The following RP1L1 variants were observed in gnomAD, a reference collection of about 807,000 sequenced individuals.
RP1L1 encodes the protein retinitis pigmentosa 1-like 1 protein.
In RP1L1, 27 loss-of-function variants were observed where a neutral mutation model predicts 15.7. The ratio of observed to expected loss-of-function variants is 1.72; its 90% CI spans 1.27 to 2.38. The LOEUF (loss-of-function observed/expected upper bound fraction) is 2.38. Ranked by LOEUF, RP1L1 falls within the 30% of genes most tolerant of loss-of-function variation. The probability of loss-of-function intolerance (pLI) is 0.00; values close to 1 mark genes in which losing one functional copy is unlikely to be tolerated. For synonymous variants in RP1L1, 1,813 were observed against 1,276.7 expected, an observed-to-expected ratio of 1.42 and a Z score of -8.96; for missense variants, 4,798 against 3,075.9, an observed-to-expected ratio of 1.56 and a Z score of -13.24.
At chr8:10,628,748 G>C (rs1320315810) in intron 1 of RP1L1, among the ~76,000 whole-genome samples, 3 of 152,204 alleles carry the variant, frequency 2.0e-5, no homozygotes, top group Non-Finnish European at 2.9e-5. Flanking sequence ...ACACATCCAT[G>C]ACAACTCATG....
chr8:10,609,167 C>T lies in RP1L1; in HGVS notation c.4931G>A (p.Gly1644Glu). Residue 1644 changes from glycine to glutamate, a missense_variant, in exon 4 of 4, where the codon GGG becomes GAG. By Grantham distance (98) the Gly-to-Glu change is moderately conservative. Transcript: ENST00000382483. ...CTCCGCCTCCTCGCCCAGCTGGCTC[C>T]CCAGGGCTGTGCTGAGGGCTGGCTC... ...EDEPALSTAL[G>E]SQLGEEAEGE... 3 of 1,612,698 alleles carry T rather than the reference C, an allele frequency of 1.9e-6. No homozygotes were observed. The highest frequency in any genetic ancestry group is 1.7e-6 in the Non-Finnish European group (2 of 1,179,548).
intron 1 of RP1L1, among the ~76,000 whole-genome samples, chr8:10,626,564 C>T (rs1798160723): frequency 6.6e-6 from 1 of 152,194 alleles, no homozygotes; most frequent in African/African-American, 2.4e-5. Context: ...GCACCACCTT[C>T]CAGTGGCTCG....
Position 10,606,706 on chromosome 8 carries a change from G to A in RP1L1, c.*189C>T. On this transcript the variant is annotated 3_prime_UTR_variant, in exon 4 of 4. Coordinates refer to ENST00000382483, the MANE Select transcript of RP1L1 (RefSeq NM_178857.6). ...CACTGCGTGTGGGACGGGCCGCAGA[G>A]CTCTCTGACACTTCTGGACTTAAGA... 1 of 956,806 alleles carries A rather than the reference G, an allele frequency of 1.0e-6. No homozygotes were observed. Among genetic ancestry groups the A allele is most frequent in the Non-Finnish European group, 1.5e-6 (1 of 660,312 alleles). The allele number at this position is 956,806 out of a possible 1,614,324, so 59.3% of individuals were successfully genotyped here.
At chr8:10,623,309 G>T in intron 1 of RP1L1, 89 bp from the exon 2 acceptor site, 2 of 982,498 alleles carry the variant, frequency 2.0e-6, no homozygotes, top group Non-Finnish European at 2.9e-6. Flanking sequence ...GGTGCTTCCT[G>T]CCCACCCCAA....
chr8:10,619,274 G>C (rs182108586), intron 2 of RP1L1, among the ~76,000 whole-genome samples: 12 of 152,334 alleles, frequency 7.9e-5, no homozygotes, highest in African/African-American at 2.9e-4. Context: ...ACTTGAACAG[G>C]GCATGGAACG....
At chr8:10,646,493 C>T (rs1338184869) in intron 1 of RP1L1, among the ~76,000 whole-genome samples, 1 of 152,128 alleles carries the variant, frequency 6.6e-6, no homozygotes, top group Non-Finnish European at 1.5e-5. Flanking sequence ...AGGATGGAGC[C>T]AGAGAAAAGG....
intron 1 of RP1L1, among the ~76,000 whole-genome samples, chr8:10,633,450 T>C (rs1200742763): frequency 6.6e-6 from 1 of 152,070 alleles, no homozygotes; most frequent in Non-Finnish European, 1.5e-5. Context: ...CCAAATTGCA[T>C]CAGCTTCCAG....
chr8:10,619,833 G>A (rs922946578), intron 2 of RP1L1, among the ~76,000 whole-genome samples: 15 of 151,910 alleles, frequency 9.9e-5, no homozygotes, highest in African/African-American at 2.4e-4. Context: ...GGTGGCAGGC[G>A]CCTGTAGTCC....
chr8:10,614,330 GAAGA>G (rs1231198449), intron 3 of RP1L1, among the ~76,000 whole-genome samples: 2 of 152,184 alleles, frequency 1.3e-5, no homozygotes, highest in African/African-American at 4.8e-5. Context: ...ATGAAGAAGA[GAAGA>G]AAGGGCTGCT....
intron 1 of RP1L1, among the ~76,000 whole-genome samples, chr8:10,628,173 C>A (rs1200491047): frequency 6.6e-6 from 1 of 152,164 alleles, no homozygotes; most frequent in African/African-American, 2.4e-5. Flanking sequence ...TCTGTGCTTC[C>A]CTTGTCTGAG....
intron 1 of RP1L1, among the ~76,000 whole-genome samples, chr8:10,631,136 G>A (rs571183854): frequency 5.3e-5 from 8 of 152,226 alleles, no homozygotes; most frequent in African/African-American, 1.9e-4. Context: ...GATCACCCAA[G>A]ATCAACCAGC....
At chr8:10,642,151 A>C (rs1798416502) in intron 1 of RP1L1, among the ~76,000 whole-genome samples, 1 of 152,236 alleles carries the variant, frequency 6.6e-6, no homozygotes, top group Non-Finnish European at 1.5e-5. Flanking sequence ...TAAATCTATA[A>C]TTAATTATCT....
chr8:10,611,431 C>G lies in RP1L1; in HGVS notation c.2667G>C (p.Gln889His). The G allele has an allele frequency of 6.3e-7, 1 of 1,578,506 alleles. No homozygotes were observed. The change falls in exon 4 of 4, where the codon CAG becomes CAC. Residue 889 changes from glutamine (Q) to histidine (H), a missense_variant. Coordinates refer to ENST00000382483, the MANE Select transcript of RP1L1 (RefSeq NM_178857.6). Reference protein sequence around the residue: ...STARGPGGSPQEGTRQPGPTP... With the variant: ...STARGPGGSPHEGTRQPGPTP... ...TGGGGCCTGGCTGGCGTGTCCCCTC[C>G]TGCGGGCTCCCACCTGGCCCCCGGG...
In RP1L1 at chr8:10,609,185, G is replaced by T. The variant is rs201741708; in HGVS notation, c.4913C>A (p.Ala1638Asp). The stretch of plus-strand genomic sequence containing the variant: ...CTGGCTCCCCAGGGCTGTGCTGAGG[G>T]CTGGCTCGTCCTCCAGGGTGAAGGA... The part of the protein sequence containing the change: ...PLSFTLEDEP[A>D]LSTALGSQLG... Residue 1638 changes from alanine (A) to aspartate (D), a missense_variant, in exon 4 of 4, where the codon GCC becomes GAC. By Grantham distance (126) the Ala-to-Asp change is moderately radical. Coordinates refer to ENST00000382483, the MANE Select transcript of RP1L1 (RefSeq NM_178857.6). The T allele has an allele frequency of 2.3e-5, 37 of 1,611,664 alleles. 1 individual carries two copies. The South Asian group carries it at 3.4e-4, about 15-fold the overall frequency.
At chr8:10,639,738 A>ACCT (rs1343843416) in intron 1 of RP1L1, among the ~76,000 whole-genome samples, 1 of 152,032 alleles carries the variant, frequency 6.6e-6, no homozygotes, top group East Asian at 1.9e-4. Flanking sequence ...CTGTTTCATG[A>ACCT]CCTCCGGGAA....
Position 10,646,005 on chromosome 8 carries a change from G to C in RP1L1, c.-20+8893C>G, listed in dbSNP as rs934365749. Among the ~76,000 whole-genome samples the C allele has an allele frequency of 3.9e-5, 6 of 152,258 alleles. No homozygotes were observed. The East Asian group carries it at 5.8e-4, about 15-fold the overall frequency. ...CCCTCTCCATTCCTTCCCTCAGGAC[G>C]GGCAGACTGAGCCTCCCGCTGGTCA... is the stretch of plus-strand genomic sequence containing the variant. On this transcript the variant is annotated intron_variant, in intron 1 of 3. Transcript: ENST00000382483.
rs368808776 is a variant in RP1L1, at chr8:10,607,747, C to T, written c.6351G>A (p.Glu2117=). The T allele has an allele frequency of 1.9e-6, 3 of 1,602,096 alleles. No individual in the cohort carries two copies. The African/African-American group carries it at 4.3e-5, about 23-fold the overall frequency. The change falls in exon 4 of 4, where the codon GAG becomes GAA. Residue 2117 remains glutamate (E), a synonymous_variant. Transcript: ENST00000382483. ...GGGCCTCCCCTTCAGTCTCTGGGGC[C>T]TCTATACCTTCTGCCTTCTGGGCCT... ...EGEAQKAEGI[E]APETEGEAQP...
chr8:10,653,473 CACACAT>C (rs1020581362), intron 1 of RP1L1, among the ~76,000 whole-genome samples: 9 of 151,862 alleles, frequency 5.9e-5, no homozygotes, highest in Non-Finnish European at 1.0e-4. Flanking sequence ...CACACACACA[CACACAT>C]ACACACACAC....
At chr8:10,613,389 G>A (rs760770315) in intron 3 of RP1L1, 43 bp from the exon 4 acceptor site, 1 of 1,598,160 alleles carries the variant, frequency 6.3e-7, no homozygotes, top group African/African-American at 1.3e-5. Context: ...AAAAGACTGT[G>A]AGCCATGGGG....
Sources: allele counts gnomAD v4.1 joint callset (sites outside exome capture counted in the v4.1 genomes callset), GRCh38; gene constraint gnomAD v4.1.1; transcripts MANE v1.5; gene names NCBI Gene and HGNC (gene_info 2026-07-23, HGNC 2026-07-21).